Variants in POLR1A observed in about 807,000 individuals in gnomAD.
POLR1A encodes RNA polymerase I subunit A, also known as DNA-directed RNA polymerase I subunit RPA1.
Under a neutral mutation model 205.3 loss-of-function variants are expected in POLR1A, and 84 were observed. The observed-to-expected ratio is 0.41, with a 90% CI of 0.34 to 0.49. The LOEUF (loss-of-function observed/expected upper bound fraction) is 0.49. Among genes scored for constraint, POLR1A ranks in the 20% least tolerant of loss-of-function variants. The pLI is 0.22. For missense variants in POLR1A, 1,645 were observed against 2,204.5 expected (o/e 0.75, Z 5.08); for synonymous variants, 799 against 863.7 (o/e 0.93, Z 1.31).
Position 86,024,105 on chromosome 2 carries a change from C to T in POLR1A, c.*3318G>A. The T allele has an allele frequency of 6.5e-6, 1 of 154,040 alleles. No individual in the cohort carries two copies. Among genetic ancestry groups the T allele is most frequent in the Non-Finnish European group, 1.4e-5 (1 of 69,028 alleles). The allele number at this position is 154,040 out of a possible 1,614,324, so 9.5% of individuals were successfully genotyped here. On this transcript the variant is annotated 3_prime_UTR_variant, in exon 34 of 34. Transcript: ENST00000263857. ...ATTTGCAACAGCCAAGAGGTGGAGG[C>T]AACCCAAGTGTCCACCAACAGATGA... is the stretch of plus-strand genomic sequence containing the variant.
At chr2:86,062,044 A>G (rs1415189570) in intron 14 of POLR1A, among the ~76,000 whole-genome samples, 1 of 152,228 alleles carries the variant, frequency 6.6e-6, no homozygotes, top group Admixed American at 6.5e-5. Flanking sequence ...AAAATCAATC[A>G]AGAGGCTGTA....
At position 86,041,960 on chromosome 2, in the gene POLR1A, A is replaced by C. The variant is rs749239874; in HGVS notation, c.3501T>G (p.Val1167=). 9.9e-6 allele frequency: 16 copies of C among 1,614,116 alleles called. No homozygotes were observed. The highest frequency in any genetic ancestry group is 1.2e-5 in the Non-Finnish European group (14 of 1,180,044). The change falls in exon 24 of 34, where the codon GTT becomes GTG. Residue 1167 remains valine, a synonymous_variant. Coordinates refer to ENST00000263857, the MANE Select transcript of POLR1A (RefSeq NM_015425.6). ...CTGCCCACTCTTGACTGTAGTCATCAACCTTTGTTTCAAATGTTTCTGACA... is the reference window on the plus strand; with the variant it reads ...CTGCCCACTCTTGACTGTAGTCATCCACCTTTGTTTCAAATGTTTCTGACA... ...ASVSETFETK[V]DDYSQEWAAQ...
Position 86,080,992 on chromosome 2 carries a change from T to C in POLR1A, c.924-14A>G, listed in dbSNP as rs1573828073. ...ACTGGGCGATACCTGCAGGGGGACA[T>C]ACGGAATAAATGAATGTTTAGTGTG... On this transcript the variant is annotated splice_polypyrimidine_tract_variant and intron_variant, in intron 8 of 33. Transcript: ENST00000263857. The C allele has an allele frequency of 1.1e-5, 17 of 1,602,894 alleles. No individual in the cohort carries two copies. The highest frequency in any genetic ancestry group is 3.3e-4 in the Middle Eastern group (2 of 5,986).
rs1269661584 is a variant in POLR1A, at chr2:86,041,815, GGGCAGGGGCTAGGA to G, written c.3572+60_3572+73del. ...AGGCAGCCCTCTTCCGGAGTGAGTAGGGCAGGGGCTAGGAGGCAGGGGCTAGGAGGCAGATTCTC... is the reference window on the plus strand; with the variant it reads ...AGGCAGCCCTCTTCCGGAGTGAGTAGGGCAGGGGCTAGGAGGCAGATTCTC... On this transcript the variant is annotated intron_variant, in intron 24 of 33. Transcript: ENST00000263857. The G allele has an allele frequency of 1.5e-4, 199 of 1,297,758 alleles. 1 individual carries two copies. The highest frequency in any genetic ancestry group is 9.9e-4 in the South Asian group (83 of 83,912). 80.4% of individuals were successfully genotyped at this position (1,297,758 alleles called of 1,614,324 possible). A position where few individuals can be genotyped will look rare whatever the true frequency, so the allele number is the denominator to read the frequency against.
intron 3 of POLR1A, among the ~76,000 whole-genome samples, chr2:86,090,611 C>T (rs1365129119): frequency 1.3e-5 from 2 of 152,184 alleles, no homozygotes; most frequent in African/African-American, 4.8e-5. Context: ...CAGCCACATG[C>T]GCTGATGCAG....
At chr2:86,073,684 C>T (rs1299937002) in intron 12 of POLR1A, among the ~76,000 whole-genome samples, 1 of 152,218 alleles carries the variant, frequency 6.6e-6, no homozygotes, top group African/African-American at 2.4e-5. Context: ...CATTTATATG[C>T]TTACTTCCTA....
At chr2:86,034,328 A>G (rs1160594220) in intron 27 of POLR1A, among the ~76,000 whole-genome samples, 2 of 152,174 alleles carry the variant, frequency 1.3e-5, no homozygotes, top group Admixed American at 6.5e-5. Flanking sequence ...CTGGCCAGAG[A>G]ACTCCCTTGG....
rs752279650 is a variant in POLR1A at position 86,027,447 on chromosome 2, G to T, written c.5139C>A (p.Phe1713Leu). The part of the protein sequence containing the change: ...GKVVRGGTGL[F>L]ELKQPLR ...GCTATCTCAGAGGCTGCTTGAGCTC[G>T]AACAGGCCTGTCCCGCCCCTGACGA... The change falls in exon 34 of 34, where the codon TTC (phenylalanine) becomes TTA (leucine). Residue 1713 changes from phenylalanine to leucine, a missense_variant. This residue lies in a region of POLR1A where 86 missense variants were observed against 149.8 expected (regional missense o/e 0.57). Transcript: ENST00000263857. The T allele has an allele frequency of 1.9e-6, 3 of 1,614,106 alleles. No homozygotes were observed. Among genetic ancestry groups the T allele is most frequent in the Non-Finnish European group, 2.5e-6 (3 of 1,179,984 alleles).
rs1299329361 is a variant in POLR1A at position 86,043,011 on chromosome 2, C to T, written c.3320G>A (p.Ser1107Asn). ...QEAVKALKLE[S>N]ENRNGRSPGT... Reference sequence around the variant, plus strand: ...AGGGCTGCGGCCATTGCGGTTTTCACTCTCAAGTTTCAGGGCTTTCACAGC... The same window carrying T: ...AGGGCTGCGGCCATTGCGGTTTTCATTCTCAAGTTTCAGGGCTTTCACAGC... The change falls in exon 23 of 34, where the codon AGT becomes AAT. Residue 1107 changes from serine (S) to asparagine (N), a missense_variant. Ser to Asn is a conservative substitution (Grantham distance 46, BLOSUM62 1). Around this residue, in one of 16 missense-constraint regions of POLR1A, gnomAD observed 201 missense variants for 222.3 expected, o/e 0.90. Coordinates refer to ENST00000263857, the MANE Select transcript of POLR1A (RefSeq NM_015425.6). 1 of 1,614,194 alleles carries T rather than the reference C, an allele frequency of 6.2e-7. No homozygotes were observed. The highest frequency in any genetic ancestry group is 8.5e-7 in the Non-Finnish European group (1 of 1,180,020).
At chr2:86,033,273 C>G (rs986792952) in intron 28 of POLR1A, among the ~76,000 whole-genome samples, 3 of 152,268 alleles carry the variant, frequency 2.0e-5, no homozygotes, top group Non-Finnish European at 4.4e-5. Context: ...CCTGGTGGGC[C>G]TCAGTTCATC....
chr2:86,089,238 G>T (rs1472918144), intron 4 of POLR1A, among the ~76,000 whole-genome samples: 1 of 152,212 alleles, frequency 6.6e-6, no homozygotes, highest in Non-Finnish European at 1.5e-5. Flanking sequence ...GCCTCAGAAG[G>T]ACCTCAGGGT....
At chr2:86,064,424 A>G (rs183087310) in intron 14 of POLR1A, among the ~76,000 whole-genome samples, 9 of 152,230 alleles carry the variant, frequency 5.9e-5, no homozygotes, top group Admixed American at 1.3e-4. Context: ...GTTTTTCATT[A>G]TTTGGTCGCC....
At chr2:86,041,806 G>T in intron 24 of POLR1A, 83 bp downstream of exon 24, 1 of 1,206,218 alleles carries the variant, frequency 8.3e-7, no homozygotes, top group Non-Finnish European at 1.2e-6. Flanking sequence ...CCCTCTTCCG[G>T]AGTGAGTAGG....
chr2:86,088,424 G>A, intron 6 of POLR1A, 142 bp downstream of exon 6: 1 of 597,268 alleles, frequency 1.7e-6, no homozygotes, highest in Non-Finnish European at 3.0e-6. Context: ...CCTCAGGCCT[G>A]AGAGGCCTGC....
intron 30 of POLR1A, among the ~76,000 whole-genome samples, chr2:86,030,993 A>G (rs993607766): frequency 2.6e-5 from 4 of 152,226 alleles, no homozygotes; most frequent in African/African-American, 9.6e-5. Context: ...GGTGTATTTG[A>G]AAGTACCTAA....
intron 14 of POLR1A, among the ~76,000 whole-genome samples, chr2:86,062,996 C>G (rs1196922245): frequency 6.6e-6 from 1 of 152,068 alleles, no homozygotes; most frequent in Non-Finnish European, 1.5e-5. Flanking sequence ...AGTAGATAAC[C>G]AAAAATAGCT....
At chr2:86,045,565 A>G in intron 20 of POLR1A, 52 bp downstream of exon 20, 5 of 1,595,042 alleles carry the variant, frequency 3.1e-6, no homozygotes, top group Non-Finnish European at 4.3e-6. Context: ...TTCACCTACA[A>G]TTAAGCCTAG....
chr2:86,046,880 T>C (rs1052806654), intron 19 of POLR1A, among the ~76,000 whole-genome samples: 1 of 152,102 alleles, frequency 6.6e-6, no homozygotes, highest in African/African-American at 2.4e-5. Flanking sequence ...ACGTAAAAAT[T>C]GTGTGAGTAT....
intron 1 of POLR1A, among the ~76,000 whole-genome samples, chr2:86,103,331 C>G (rs1319738889): frequency 1.3e-5 from 2 of 152,022 alleles, no homozygotes; most frequent in Non-Finnish European, 2.9e-5. Flanking sequence ...CCGTGGTGCT[C>G]TGGATGCAGC....
Sources: allele counts gnomAD v4.1 joint callset (sites outside exome capture counted in the v4.1 genomes callset), GRCh38; gene constraint gnomAD v4.1.1; regional missense constraint gnomAD v4.1.1; transcripts MANE v1.5; gene names NCBI Gene and HGNC (gene_info 2026-07-23, HGNC 2026-07-21).